STARD13: variants seen among roughly 807,000 people sequenced by gnomAD.
STARD13 encodes stAR-related lipid transfer protein 13.
A neutral mutation model predicts 106.4 loss-of-function variants in STARD13; 62 were observed. That is an observed-to-expected ratio of 0.58 (90% CI 0.48 to 0.72). STARD13 has a LOEUF of 0.72. STARD13 is among the 30% of genes least tolerant of loss of function. STARD13 has a pLI of 0.00. For synonymous variants in STARD13, 565 were observed against 553.0 expected (o/e 1.02, Z -0.31); for missense variants, 1,387 against 1,424.0 (o/e 0.97, Z 0.42).
At chr13:33,186,240 A>T (rs926639023) in intron 1 of STARD13, among the ~76,000 whole-genome samples, 5 of 152,194 alleles carry the variant, frequency 3.3e-5, no homozygotes, top group African/African-American at 9.6e-5. Flanking sequence ...CCCAGAGAAA[A>T]GGATTCTGTT....
chr13:33,557,670 G>A, the STARD13 span, among the ~76,000 whole-genome samples: 7 of 152,116 alleles, frequency 4.6e-5, no homozygotes, highest in Non-Finnish European at 1.5e-5. Context: ...ATTGCTTACT[G>A]AAAACTCAGA....
the STARD13 span, among the ~76,000 whole-genome samples, chr13:33,604,516 G>A: frequency 6.6e-6 from 1 of 152,124 alleles, no homozygotes; most frequent in East Asian, 1.9e-4. Flanking sequence ...GCTAAAAGAG[G>A]CCAGGTGCAG....
the STARD13 span, among the ~76,000 whole-genome samples, chr13:33,386,363 G>GCAGAAAATGCCC: frequency 6.6e-6 from 1 of 152,078 alleles, no homozygotes; most frequent in South Asian, 2.1e-4. Flanking sequence ...TTCCTCAGGG[G>GCAGAAAATGCCC]CTCCAGGAAG....
intron 1 of STARD13, among the ~76,000 whole-genome samples, chr13:33,338,770 G>C (rs939741929): frequency 6.6e-6 from 1 of 151,798 alleles, no homozygotes; most frequent in Non-Finnish European, 1.5e-5. Flanking sequence ...TGTAGTCCCA[G>C]CTACTCAGGG....
Position 33,230,520 on chromosome 13 carries a change from G to C in STARD13, c.169+54950C>G, listed in dbSNP as rs78933087. Among the ~76,000 whole-genome samples, 34 of 152,346 alleles carry C rather than the reference G, an allele frequency of 2.2e-4. No homozygotes were observed. The East Asian group carries it at 6.6e-3, about 29-fold the overall frequency. The stretch of plus-strand genomic sequence containing the variant: ...CATTCATGAATGCTGGGATACTGCT[G>C]AATGATTTTGAGAGTGGAGCTTTCA... On this transcript the variant is annotated intron_variant, in intron 1 of 13. Transcript: ENST00000336934.
Position 33,317,028 on chromosome 13 carries a change from C to A in STARD13, c.124+33262G>T, listed in dbSNP as rs564132208. ...GGCTTTCCTGATTTTCCTGCCATCT[C>A]AGTCTCCTTTGAGACATTCTTCCCT... On this transcript the variant is annotated intron_variant, in intron 1 of 5. Coordinates refer to the STARD13 transcript ENST00000567873. Among the ~76,000 whole-genome samples the A allele has an allele frequency of 1.1e-3, 165 of 152,306 alleles. 1 individual carries two copies. Among genetic ancestry groups the A allele is most frequent in the Non-Finnish European group, 2.0e-3 (139 of 68,024 alleles).
chr13:33,110,857 C>T lies in STARD13; in HGVS notation c.2658G>A (p.Glu886=). 2 of 1,613,966 alleles carry T rather than the reference C, an allele frequency of 1.2e-6. No individual in the cohort carries two copies. Among genetic ancestry groups the T allele is most frequent in the South Asian group, 2.2e-5 (2 of 91,066 alleles). The part of the protein sequence containing the change: ...AQSRNSYVEA[E]IHVPTLEELG... ...ATTCTTCCAGGGTTGGCACGTGGAT[C>T]TCAGCCTCCACATACGAGTTACGAG... Residue 886 remains glutamate, a synonymous_variant, in exon 11 of 14, where the codon GAG becomes GAA. Transcript: ENST00000336934.
the STARD13 span, among the ~76,000 whole-genome samples, chr13:33,635,921 T>G: frequency 6.6e-6 from 1 of 151,710 alleles, no homozygotes; most frequent in Non-Finnish European, 1.5e-5. Context: ...GAGGCAGAGC[T>G]TGCGGTGAGC....
the STARD13 span, among the ~76,000 whole-genome samples, chr13:33,403,086 C>T: frequency 3.1e-4 from 47 of 152,348 alleles, no homozygotes; most frequent in African/African-American, 1.1e-3. Flanking sequence ...CACTGTAACA[C>T]TGGGGCCGCA....
chr13:33,571,897 C>G, the STARD13 span, among the ~76,000 whole-genome samples: 1 of 152,068 alleles, frequency 6.6e-6, no homozygotes, highest in Non-Finnish European at 1.5e-5. Context: ...GAGGAGGTAC[C>G]AAGAAAACCC....
the STARD13 span, among the ~76,000 whole-genome samples, chr13:33,419,665 C>T: frequency 4.6e-5 from 7 of 152,126 alleles, no homozygotes; most frequent in Admixed American, 2.0e-4. Flanking sequence ...TCAGATTCAC[C>T]AAGGTTGAAA....
At chr13:33,648,494 C>G in the STARD13 span, among the ~76,000 whole-genome samples, 4 of 152,268 alleles carry the variant, frequency 2.6e-5, no homozygotes, top group African/African-American at 7.2e-5. Flanking sequence ...GCTATTTAGT[C>G]CAGAATATTG....
At chr13:33,371,704 T>G in the STARD13 span, among the ~76,000 whole-genome samples, 1 of 152,206 alleles carries the variant, frequency 6.6e-6, no homozygotes, top group South Asian at 2.1e-4. Context: ...TTGCTTTCCA[T>G]TTGTAAAGTG....
chr13:33,416,984 G>C, the STARD13 span, among the ~76,000 whole-genome samples: 2 of 152,078 alleles, frequency 1.3e-5, no homozygotes, highest in South Asian at 2.1e-4. Flanking sequence ...ACTATATAAA[G>C]AATTGCTATA....
chr13:33,151,416 G>A (rs1000563564), intron 3 of STARD13, among the ~76,000 whole-genome samples: 1 of 152,126 alleles, frequency 6.6e-6, no homozygotes, highest in Non-Finnish European at 1.5e-5. Flanking sequence ...TAGAAAAGGG[G>A]AAGGTTCCAG....
intron 1 of STARD13, among the ~76,000 whole-genome samples, chr13:33,243,707 G>A (rs1396975669): frequency 1.3e-5 from 2 of 152,122 alleles, no homozygotes; most frequent in Admixed American, 1.3e-4. Flanking sequence ...GGGTCCCCGG[G>A]CCCTTACTGT....
At chr13:33,390,538 T>C in the STARD13 span, among the ~76,000 whole-genome samples, 2 of 152,154 alleles carry the variant, frequency 1.3e-5, no homozygotes, top group African/African-American at 4.8e-5. Context: ...TAAATTTGTA[T>C]CATTTGTTAC....
chr13:33,589,510 A>C, the STARD13 span, among the ~76,000 whole-genome samples: 2 of 152,026 alleles, frequency 1.3e-5, no homozygotes, highest in East Asian at 1.9e-4. Context: ...CTTTGTTCTC[A>C]TTGGTTTCGA....
intron 1 of STARD13, among the ~76,000 whole-genome samples, chr13:33,225,516 C>G (rs1471764693): frequency 6.6e-6 from 1 of 152,116 alleles, no homozygotes; most frequent in Non-Finnish European, 1.5e-5. Flanking sequence ...CAGGAACTGT[C>G]CTATGAATAA....
Sources: gnomAD v4.1 joint callset for allele counts (sites outside exome capture counted in the v4.1 genomes callset) on GRCh38, gnomAD v4.1.1 for gene constraint, MANE v1.5 for transcripts, NCBI Gene and HGNC (gene_info 2026-07-23, HGNC 2026-07-21) for gene names.